SBF2: variants seen among roughly 807,000 people sequenced by gnomAD.
SBF2 encodes myotubularin-related protein 13.
Under a neutral mutation model 225.2 loss-of-function variants are expected in SBF2, and 112 were observed. The observed-to-expected ratio is 0.50, with a 90% CI of 0.43 to 0.58. SBF2 has a LOEUF of 0.58. Among genes scored for constraint, SBF2 ranks in the 20% least tolerant of loss-of-function variants. The probability of loss-of-function intolerance (pLI) is 0.00; values close to 1 mark genes in which losing one functional copy is unlikely to be tolerated. For missense variants in SBF2, 1,996 were observed against 2,206.2 expected, an observed-to-expected ratio of 0.90 and a Z score of 1.91; for synonymous variants, 763 against 773.3, an observed-to-expected ratio of 0.99 and a Z score of 0.22.
intron 1 of SBF2, among the ~76,000 whole-genome samples, chr11:10,237,889 G>T (rs1158582407): frequency 1.3e-5 from 2 of 152,166 alleles, no homozygotes; most frequent in Non-Finnish European, 2.9e-5. Flanking sequence ...TTGGGAGGGG[G>T]TCACTTCTAT....
intron 2 of SBF2, among the ~76,000 whole-genome samples, chr11:10,132,447 T>C (rs1288275311): frequency 6.6e-6 from 1 of 150,494 alleles, no homozygotes; most frequent in Non-Finnish European, 1.5e-5. Flanking sequence ...TTCAGATGTG[T>C]TTGGAGTTTC....
At chr11:9,856,785 ATTT>A (rs11322743) in intron 18 of SBF2, 65 bp from the exon 19 acceptor site, 20,275 of 1,016,480 alleles carry the variant, frequency 0.02, no homozygotes, top group Non-Finnish European at 0.02. Context: ...AAAAACATAG[ATTT>A]TTTTTTTTTT....
intron 35 of SBF2, among the ~76,000 whole-genome samples, 164 bp downstream of exon 35, chr11:9,788,944 GC>G (rs1212626566): frequency 6.6e-6 from 1 of 152,086 alleles, no homozygotes; most frequent in African/African-American, 2.4e-5. Flanking sequence ...CAGTAGTGAA[GC>G]CTGGTCCCCC....
intron 3 of SBF2, among the ~76,000 whole-genome samples, chr11:10,037,419 C>T (rs1949482502): frequency 6.6e-6 from 1 of 152,022 alleles, no homozygotes; most frequent in Non-Finnish European, 1.5e-5. Flanking sequence ...AAGTTGATTA[C>T]AATATCAGCA....
intron 1 of SBF2, among the ~76,000 whole-genome samples, chr11:10,229,213 CTTT>C (rs1190467920): frequency 1.3e-5 from 2 of 152,020 alleles, no homozygotes; most frequent in African/African-American, 2.4e-5. Context: ...CTCTTTTCTT[CTTT>C]ATTACTCTTG....
intron 19 of SBF2, among the ~76,000 whole-genome samples, 162 bp from the exon 20 acceptor site, chr11:9,853,874 A>T (rs1427986655): frequency 1.3e-5 from 2 of 152,210 alleles, no homozygotes; most frequent in Admixed American, 1.3e-4. Flanking sequence ...GATGGTGATA[A>T]AACACAATGT....
intron 1 of SBF2, among the ~76,000 whole-genome samples, chr11:10,213,227 A>G (rs549089831): frequency 1.6e-4 from 24 of 152,324 alleles, no homozygotes; most frequent in Non-Finnish European, 2.9e-4. Context: ...AAGGTAGTAG[A>G]GAACACCCAT....
rs374252299 is a variant in SBF2 at position 9,924,680 on chromosome 11, C to G, written c.1861-28669G>C. On this transcript the variant is annotated intron_variant, in intron 16 of 39. Coordinates refer to ENST00000256190, the MANE Select transcript of SBF2 (RefSeq NM_030962.4). ...CTCCTGACCTCAGGCGATCCACCCCCCTCAGCCTCCCAAAGTGCTGGGATT... is the reference window on the plus strand; with the variant it reads ...CTCCTGACCTCAGGCGATCCACCCCGCTCAGCCTCCCAAAGTGCTGGGATT... 2.6e-5 allele frequency among the ~76,000 whole-genome samples: 4 copies of G among 152,334 alleles called. No individual in the cohort carries two copies. In the East Asian group the frequency reaches 5.8e-4, roughly 22 times the overall value.
At chr11:10,116,029 C>A (rs1006913936) in intron 2 of SBF2, among the ~76,000 whole-genome samples, 2 of 151,934 alleles carry the variant, frequency 1.3e-5, no homozygotes, top group African/African-American at 4.8e-5. Flanking sequence ...ATTAGCCAGG[C>A]GTGGTGATGG....
intron 1 of SBF2, among the ~76,000 whole-genome samples, chr11:10,274,433 A>G (rs1437034586): frequency 6.6e-6 from 1 of 152,164 alleles, no homozygotes; most frequent in Non-Finnish European, 1.5e-5. Flanking sequence ...TAAGAGAATT[A>G]GAAAGTTTCA....
At chr11:10,182,026 T>G (rs1956757345) in intron 2 of SBF2, among the ~76,000 whole-genome samples, 1 of 152,136 alleles carries the variant, frequency 6.6e-6, no homozygotes, top group African/African-American at 2.4e-5. Flanking sequence ...AATCAACAGA[T>G]TTGCAAGTTA....
At chr11:10,116,637 G>GC (rs1953154509) in intron 2 of SBF2, among the ~76,000 whole-genome samples, 1 of 151,952 alleles carries the variant, frequency 6.6e-6, no homozygotes, top group Non-Finnish European at 1.5e-5. Context: ...GGCTTCATTA[G>GC]TTTATACAAT....
intron 17 of SBF2, among the ~76,000 whole-genome samples, chr11:9,885,435 A>G (rs1860209659): frequency 6.6e-6 from 1 of 151,986 alleles, no homozygotes; most frequent in Non-Finnish European, 1.5e-5. Context: ...CTTTCTTCCA[A>G]CCCTCACGTT....
At chr11:10,010,967 T>C (rs777047207) in intron 6 of SBF2, among the ~76,000 whole-genome samples, 1 of 152,130 alleles carries the variant, frequency 6.6e-6, no homozygotes, top group Non-Finnish European at 1.5e-5. Context: ...CCTTGTAAGT[T>C]GTATTCCTAG....
At chr11:10,075,542 C>G (rs1951065293) in intron 2 of SBF2, among the ~76,000 whole-genome samples, 1 of 152,166 alleles carries the variant, frequency 6.6e-6, no homozygotes, top group Non-Finnish European at 1.5e-5. Flanking sequence ...TTCCCCCTTG[C>G]TGTTCTTATG....
At chr11:10,148,276 C>T (rs189171119) in intron 2 of SBF2, among the ~76,000 whole-genome samples, 1 of 151,974 alleles carries the variant, frequency 6.6e-6, no homozygotes, top group African/African-American at 2.4e-5. Context: ...AACTAAGTTC[C>T]AAAAATCCTG....
chr11:10,173,916 G>T (rs1956336162), intron 2 of SBF2, among the ~76,000 whole-genome samples: 1 of 151,792 alleles, frequency 6.6e-6, no homozygotes, highest in African/African-American at 2.4e-5. Flanking sequence ...CACCTCACAG[G>T]GCCGGGTACT....
At chr11:10,028,955 A>C (rs1565151006) in intron 5 of SBF2, among the ~76,000 whole-genome samples, 1 of 152,310 alleles carries the variant, frequency 6.6e-6, no homozygotes, top group East Asian at 1.9e-4. Context: ...AGAGCAAGAG[A>C]GACAGAGAAA....
intron 23 of SBF2, 67 bp downstream of exon 23, chr11:9,846,889 T>C: frequency 6.4e-7 from 1 of 1,557,076 alleles, no homozygotes; most frequent in Non-Finnish European, 8.8e-7. Context: ...CCACACAAAA[T>C]GGCCATAATA....
Sources: gnomAD v4.1 joint callset for allele counts (sites outside exome capture counted in the v4.1 genomes callset) on GRCh38, gnomAD v4.1.1 for gene constraint, MANE v1.5 for transcripts, NCBI Gene and HGNC (gene_info 2026-07-23, HGNC 2026-07-21) for gene names.